The following ZNF804B variants were observed in gnomAD, a reference collection of about 807,000 sequenced individuals.
The protein encoded by ZNF804B is zinc finger 804B.
Under a neutral mutation model 101.4 loss-of-function variants are expected in ZNF804B, and 80 were observed. That is an observed-to-expected ratio of 0.79 (90% confidence interval 0.66 to 0.95). The LOEUF (loss-of-function observed/expected upper bound fraction) is 0.95. Ranked by LOEUF, ZNF804B falls within the 40% of genes least tolerant of loss-of-function variation. The pLI, the probability that ZNF804B is intolerant of heterozygous loss-of-function variation, is 0.00. For missense variants in ZNF804B, 1,673 were observed against 1,561.9 expected (o/e 1.07, Z -1.20); for synonymous variants, 622 against 558.8 (o/e 1.11, Z -1.59).
chr7:88,955,037 G>A (rs1393916951), intron 1 of ZNF804B, among the ~76,000 whole-genome samples: 2 of 150,624 alleles, frequency 1.3e-5, no homozygotes, highest in African/African-American at 4.9e-5. Flanking sequence ...GAGGCGGGAG[G>A]ATCTCTTGAG....
At chr7:89,082,779 A>G (rs1403797889) in intron 1 of ZNF804B, among the ~76,000 whole-genome samples, 1 of 151,814 alleles carries the variant, frequency 6.6e-6, no homozygotes, top group East Asian at 1.9e-4. Flanking sequence ...AGGGAATCCC[A>G]CACTATTCAA....
intron 1 of ZNF804B, among the ~76,000 whole-genome samples, chr7:88,978,268 T>C (rs1430256773): frequency 1.3e-5 from 2 of 151,714 alleles, no homozygotes; most frequent in Non-Finnish European, 2.9e-5. Context: ...TCAGTCTGAG[T>C]TTTCTTTGTT....
intron 1 of ZNF804B, among the ~76,000 whole-genome samples, chr7:88,970,751 A>G (rs912087403): frequency 7.2e-6 from 1 of 139,178 alleles, no homozygotes; most frequent in Non-Finnish European, 1.5e-5. Flanking sequence ...TCTCACTCTT[A>G]GGTGGGAATT....
chr7:89,335,138 T>A lies in ZNF804B; in HGVS notation c.2156T>A (p.Met719Lys). 1.2e-6 allele frequency: 2 copies of A among 1,613,890 alleles called. No homozygotes were observed. The highest frequency in any genetic ancestry group is 1.7e-6 in the Non-Finnish European group (2 of 1,179,914). Reference protein sequence around the residue: ...SSSLDTSPSSMSSLRSTCSSH... With the variant: ...SSSLDTSPSSKSSLRSTCSSH... Reference sequence around the variant, plus strand: ...TCTTTGGACACATCCCCTAGCAGCATGTCTAGCTTGAGAAGTACTTGTTCA... The same window carrying A: ...TCTTTGGACACATCCCCTAGCAGCAAGTCTAGCTTGAGAAGTACTTGTTCA... Residue 719 changes from methionine (M) to lysine (K), a missense_variant, in exon 4 of 4, where the codon ATG becomes AAG. Met to Lys is a moderately conservative substitution (Grantham distance 95). Coordinates refer to ENST00000333190, the MANE Select transcript of ZNF804B (RefSeq NM_181646.5).
chr7:89,272,240 A>G (rs1334505518), intron 2 of ZNF804B, among the ~76,000 whole-genome samples: 1 of 152,080 alleles, frequency 6.6e-6, no homozygotes, highest in Non-Finnish European at 1.5e-5. Context: ...CATAGGACCA[A>G]GAAAGCACCT....
chr7:89,168,875 T>C (rs1366918885), intron 1 of ZNF804B, among the ~76,000 whole-genome samples: 2 of 152,018 alleles, frequency 1.3e-5, no homozygotes, highest in Non-Finnish European at 2.9e-5. Flanking sequence ...TTCTTGGAGC[T>C]CCCAAGATGG....
chr7:89,234,437 A>T (rs1159662673), intron 2 of ZNF804B, among the ~76,000 whole-genome samples: 1 of 152,166 alleles, frequency 6.6e-6, no homozygotes, highest in Non-Finnish European at 1.5e-5. Context: ...ATAGTAAATG[A>T]TACCTACTAT....
intron 1 of ZNF804B, among the ~76,000 whole-genome samples, chr7:89,052,176 C>T (rs1401868940): frequency 6.6e-6 from 1 of 152,072 alleles, no homozygotes; most frequent in East Asian, 1.9e-4. Context: ...CTCAGTCCGT[C>T]ACCAAGGCTG....
At chr7:88,989,496 G>A (rs1307775366) in intron 1 of ZNF804B, among the ~76,000 whole-genome samples, 2 of 152,042 alleles carry the variant, frequency 1.3e-5, no homozygotes, top group African/African-American at 4.8e-5. Flanking sequence ...TTCTCTCAAG[G>A]AATAGCCTGA....
rs755645043 is a variant in ZNF804B, at chr7:89,327,409, G to T, written c.315G>T (p.Glu105Asp). The T allele has an allele frequency of 1.1e-5, 18 of 1,610,802 alleles. No individual in the cohort carries two copies. The South Asian group carries it at 1.9e-4, about 17-fold the overall frequency. ...TAGCTTCTAAGTCATGGAAAGATGA[G>T]AAAAAACAAGAAAAAGCACTTAAAC... Reference protein sequence around the residue: ...RNVASKSWKDEKKQEKALKRL... With the variant: ...RNVASKSWKDDKKQEKALKRL... The change falls in exon 3 of 4, where the codon GAG becomes GAT. Residue 105 changes from glutamate (E) to aspartate (D), a missense_variant. Transcript: ENST00000333190.
intron 2 of ZNF804B, among the ~76,000 whole-genome samples, chr7:89,253,003 A>G (rs954048539): frequency 2.6e-5 from 4 of 152,170 alleles, no homozygotes; most frequent in Non-Finnish European, 5.9e-5. Flanking sequence ...CTGCATGTGT[A>G]CCCACTATAT....
At chr7:88,843,172 T>C (rs1791312883) in intron 1 of ZNF804B, among the ~76,000 whole-genome samples, 1 of 152,178 alleles carries the variant, frequency 6.6e-6, no homozygotes, top group African/African-American at 2.4e-5. Flanking sequence ...TTATTGGTGT[T>C]TGTGGTACCC....
At position 89,297,371 on chromosome 7, in the gene ZNF804B, T is replaced by C. The variant is rs1011746024; in HGVS notation, c.250-29973T>C. Among the ~76,000 whole-genome samples, 44 of 152,156 alleles carry C rather than the reference T, an allele frequency of 2.9e-4. 1 individual carries two copies. Among genetic ancestry groups the C allele is most frequent in the African/African-American group, 1.1e-3 (44 of 41,552 alleles). ...GATAAGAATTGCTTACTATTAACTA[T>C]GCTAAATAATAACCATCATTCTTAA... On this transcript the variant is annotated intron_variant, in intron 2 of 3. Transcript: ENST00000333190.
At chr7:89,041,048 G>T (rs989746195) in intron 1 of ZNF804B, among the ~76,000 whole-genome samples, 1 of 151,180 alleles carries the variant, frequency 6.6e-6, no homozygotes, top group Non-Finnish European at 1.5e-5. Flanking sequence ...CCTGGGGTAG[G>T]CCTGAACCCT....
intron 3 of ZNF804B, 56 bp downstream of exon 3, chr7:89,327,530 T>G: frequency 6.3e-7 from 1 of 1,576,528 alleles, no homozygotes; most frequent in Non-Finnish European, 8.6e-7. Flanking sequence ...TATGGGGAAA[T>G]TTTAAAGGCA....
intron 1 of ZNF804B, among the ~76,000 whole-genome samples, chr7:89,195,832 A>T (rs2115630926): frequency 6.6e-6 from 1 of 151,998 alleles, no homozygotes; most frequent in African/African-American, 2.4e-5. Context: ...AAATACCTAG[A>T]AATATAATTT....
intron 1 of ZNF804B, among the ~76,000 whole-genome samples, chr7:89,160,405 G>A (rs1791041196): frequency 6.6e-6 from 1 of 152,066 alleles, no homozygotes; most frequent in Non-Finnish European, 1.5e-5. Context: ...CTCTGTGATG[G>A]TTTCAAAACC....
intron 1 of ZNF804B, among the ~76,000 whole-genome samples, chr7:88,952,207 G>T (rs1003965880): frequency 1.3e-5 from 2 of 151,672 alleles, no homozygotes; most frequent in African/African-American, 4.8e-5. Context: ...ATTTGACTGG[G>T]CTTGTGCCAT....
chr7:89,095,409 T>C (rs2116330985), intron 1 of ZNF804B, among the ~76,000 whole-genome samples: 1 of 152,282 alleles, frequency 6.6e-6, no homozygotes, highest in Non-Finnish European at 1.5e-5. Context: ...TGGTAATCAG[T>C]TGTAGTACAC....
Sources: gnomAD v4.1 joint callset for allele counts (sites outside exome capture counted in the v4.1 genomes callset) on GRCh38, gnomAD v4.1.1 for gene constraint, MANE v1.5 for transcripts, NCBI Gene and HGNC (gene_info 2026-07-23, HGNC 2026-07-21) for gene names.